MAP3K9: variants seen among roughly 807,000 people sequenced by gnomAD.
The protein encoded by MAP3K9 is mixed lineage kinase 1 (tyr and ser/thr specificity).
A neutral mutation model predicts 95.8 loss-of-function variants in MAP3K9; 46 were observed. The ratio of observed to expected loss-of-function variants is 0.48; its 90% confidence interval spans 0.38 to 0.61. MAP3K9 has a LOEUF of 0.61. MAP3K9 is among the 20% of genes least tolerant of loss of function. The pLI, the probability that MAP3K9 is intolerant of heterozygous loss-of-function variation, is 0.00. For synonymous variants in MAP3K9, 533 were observed against 593.8 expected (o/e 0.90, Z 1.49); for missense variants, 1,296 against 1,474.3 (o/e 0.88, Z 1.98).
At position 70,798,996 on chromosome 14, in the gene MAP3K9, C is replaced by G. The variant is rs1236141317; in HGVS notation, c.820+1671G>C. ...TCTATTATTAAGGGGGAAAAGAACA[C>G]AGGTAGAAAAGATAAATGTATATTT... is the stretch of plus-strand genomic sequence containing the variant. On this transcript the variant is annotated intron_variant, in intron 2 of 11. Transcript: ENST00000554752. Among the ~76,000 whole-genome samples, 9 of 152,078 alleles carry G rather than the reference C, an allele frequency of 5.9e-5. No homozygotes were observed. The East Asian group carries it at 1.7e-3, about 29-fold the overall frequency.
At chr14:70,777,785 G>A (rs994873265) in intron 2 of MAP3K9, among the ~76,000 whole-genome samples, 2 of 152,204 alleles carry the variant, frequency 1.3e-5, no homozygotes, top group Admixed American at 6.5e-5. Context: ...AGAGACACCA[G>A]CACCATGGGT....
intron 8 of MAP3K9, among the ~76,000 whole-genome samples, chr14:70,737,478 G>C (rs2054000846): frequency 6.6e-6 from 1 of 152,148 alleles, no homozygotes; most frequent in African/African-American, 2.4e-5. Flanking sequence ...CCAGACTCAG[G>C]GGAGAATTTG....
chr14:70,753,183 A>G (rs1312938250), intron 3 of MAP3K9, among the ~76,000 whole-genome samples: 2 of 152,214 alleles, frequency 1.3e-5, no homozygotes, highest in Non-Finnish European at 2.9e-5. Context: ...GAAGAGTTAC[A>G]AGGAATCACT....
At chr14:70,802,061 A>T (rs1259783395) in intron 1 of MAP3K9, among the ~76,000 whole-genome samples, 32 of 152,132 alleles carry the variant, frequency 2.1e-4, no homozygotes, top group Non-Finnish European at 2.9e-5. Flanking sequence ...TCAGAAAAGG[A>T]ATGTTGTTAG....
At chr14:70,774,448 C>T (rs1405129377) in intron 2 of MAP3K9, among the ~76,000 whole-genome samples, 2 of 145,964 alleles carry the variant, frequency 1.4e-5, no homozygotes, top group Non-Finnish European at 3.0e-5. Flanking sequence ...GGTGGATCAC[C>T]TGAGGTGAGT....
intron 2 of MAP3K9, among the ~76,000 whole-genome samples, chr14:70,778,340 G>A (rs1271090061): frequency 2.0e-5 from 3 of 149,296 alleles, no homozygotes; most frequent in South Asian, 2.1e-4. Flanking sequence ...GTCACGACGC[G>A]ATCTCTGCTC....
chr14:70,736,128 G>A lies in MAP3K9; in HGVS notation c.1845-99C>T, dbSNP rs530657038. 3.6e-4 allele frequency: 279 copies of A among 779,682 alleles called. 2 individuals are homozygous for A. The Middle Eastern group carries it at 5.5e-3, about 15-fold the overall frequency. The allele number at this position is 779,682 out of a possible 1,614,324, so 48.3% of individuals were successfully genotyped here. A position where few individuals can be genotyped will look rare whatever the true frequency, so the allele number is the denominator to read the frequency against. On this transcript the variant is annotated intron_variant, in intron 8 of 11. Transcript: ENST00000554752. ...CCCAAGGCTGGATTCACACCACATC[G>A]CCAGCTGCCTTCCCACTGTCCAGAC...
intron 3 of MAP3K9, among the ~76,000 whole-genome samples, chr14:70,751,851 C>T (rs1376731703): frequency 6.6e-6 from 1 of 152,186 alleles, no homozygotes; most frequent in Non-Finnish European, 1.5e-5. Context: ...CAACATTTTG[C>T]ACACAAGGAA....
rs1228630093 is a variant in MAP3K9 at position 70,787,825 on chromosome 14, AC to A, written c.820+12841del. ...ACTAGGGACAAAAAAAAACACACAA[AC>A]AAAACAAGATTTTTTGGTTGGCCAC... On this transcript the variant is annotated intron_variant, in intron 2 of 11. Coordinates refer to ENST00000554752, the MANE Select transcript of MAP3K9 (RefSeq NM_001284230.2). Among the ~76,000 whole-genome samples, 11 of 152,354 alleles carry A rather than the reference AC, an allele frequency of 7.2e-5. 2 individuals carry two copies. In the South Asian group the frequency reaches 2.1e-3, roughly 29 times the overall value.
chr14:70,726,920 T>C lies in MAP3K9; in HGVS notation c.*3460A>G, dbSNP rs1230205675. ...GATGATTGCTTTTAAAGGAAGGAAA[T>C]CTGAGAGGGGCTAAAGAGACAAGCC... On this transcript the variant is annotated 3_prime_UTR_variant, in exon 12 of 12. Coordinates refer to ENST00000554752, the MANE Select transcript of MAP3K9 (RefSeq NM_001284230.2). 6.6e-6 allele frequency: 1 copy of C among 152,192 alleles called. No homozygotes were observed. The highest frequency in any genetic ancestry group is 2.4e-5 in the African/African-American group (1 of 41,424). 9.4% of individuals were successfully genotyped at this position (152,192 alleles called of 1,614,324 possible). A position where few individuals can be genotyped will look rare whatever the true frequency, so the allele number is the denominator to read the frequency against.
intron 2 of MAP3K9, among the ~76,000 whole-genome samples, chr14:70,766,320 G>A (rs779196309): frequency 3.9e-5 from 6 of 152,086 alleles, no homozygotes; most frequent in Non-Finnish European, 5.9e-5. Context: ...ACAAAATGGG[G>A]ATAAAGATTA....
At chr14:70,739,561 A>G (rs1473057228) in intron 7 of MAP3K9, among the ~76,000 whole-genome samples, 1 of 152,108 alleles carries the variant, frequency 6.6e-6, no homozygotes, top group Non-Finnish European at 1.5e-5. Context: ...TTTTAAGCAA[A>G]TACTGTAGCA....
rs201193460 is a variant in MAP3K9, at chr14:70,730,509, C to A, written c.3186G>T (p.Pro1062=). 3.7e-6 allele frequency: 6 copies of A among 1,613,964 alleles called. No individual in the cohort carries two copies. Among genetic ancestry groups the A allele is most frequent in the Non-Finnish European group, 5.1e-6 (6 of 1,180,030 alleles). Residue 1062 remains proline, a synonymous_variant, in exon 12 of 12, where the codon CCG becomes CCT. Transcript: ENST00000554752. ...CCAGGTCCAGGAGCGTCCGCTCAGT[C>A]GGGGGCAGCGGCCCTGCCTGGAACG... ...LLPFQAGPLP[P]TERTLLDLDA...
At chr14:70,799,688 A>G (rs894259360) in intron 2 of MAP3K9, among the ~76,000 whole-genome samples, 9 of 152,198 alleles carry the variant, frequency 5.9e-5, no homozygotes, top group Non-Finnish European at 1.3e-4. Flanking sequence ...ATCAACAGAA[A>G]AATAAACCAC....
At position 70,800,694 on chromosome 14, in the gene MAP3K9, T is replaced by C. The variant is rs200277034; in HGVS notation, c.793A>G (p.Ile265Val). The change falls in exon 2 of 12, where the codon ATC (isoleucine) becomes GTC (valine). Residue 265 changes from isoleucine to valine, a missense_variant. Coordinates refer to ENST00000554752, the MANE Select transcript of MAP3K9 (RefSeq NM_001284230.2). The stretch of plus-strand genomic sequence containing the variant: ...TTGCTGGACTTAAGGTCGCGGTGGA[T>C]GATGGGAACAATTGCCTCATCATGT... ...YLHDEAIVPIIHRDLKSSNIL... is the reference protein window; with the variant it reads ...YLHDEAIVPIVHRDLKSSNIL... 3.7e-6 allele frequency: 6 copies of C among 1,614,032 alleles called. No homozygotes were observed. The African/African-American group carries it at 6.7e-5, about 18-fold the overall frequency.
At chr14:70,763,027 C>A (rs2054396215) in intron 2 of MAP3K9, among the ~76,000 whole-genome samples, 1 of 152,214 alleles carries the variant, frequency 6.6e-6, no homozygotes, top group Non-Finnish European at 1.5e-5. Context: ...TATCTCCCAA[C>A]ATGCTTTCCT....
At chr14:70,766,966 T>A (rs1033167570) in intron 2 of MAP3K9, among the ~76,000 whole-genome samples, 6 of 152,150 alleles carry the variant, frequency 3.9e-5, no homozygotes, top group African/African-American at 9.7e-5. Flanking sequence ...TATATATGGG[T>A]GTCATCATTT....
intron 3 of MAP3K9, among the ~76,000 whole-genome samples, chr14:70,757,776 A>G (rs1408569553): frequency 6.6e-6 from 1 of 152,232 alleles, no homozygotes; most frequent in Admixed American, 6.5e-5. Context: ...GACATTTGAT[A>G]AAAGTGACCA....
intron 4 of MAP3K9, 129 bp from the exon 5 acceptor site, chr14:70,749,133 T>A (rs1327303487): frequency 1.2e-6 from 1 of 847,886 alleles, no homozygotes; most frequent in Admixed American, 2.8e-5. Context: ...AGATCAGAAT[T>A]TAGGTAACCT....
Sources: allele counts gnomAD v4.1 joint callset (sites outside exome capture counted in the v4.1 genomes callset), GRCh38; gene constraint gnomAD v4.1.1; transcripts MANE v1.5; gene names NCBI Gene and HGNC (gene_info 2026-07-23, HGNC 2026-07-21).